The following CCDC7 variants were observed in gnomAD, a reference collection of about 807,000 sequenced individuals.
The protein encoded by CCDC7 is coiled-coil domain-containing protein 7.
Under a neutral mutation model 196.9 loss-of-function variants are expected in CCDC7, and 183 were observed. The observed-to-expected ratio is 0.93, with a 90% CI of 0.82 to 1.05. The LOEUF (loss-of-function observed/expected upper bound fraction) is 1.05. Among genes scored for constraint, CCDC7 ranks in the 50% least tolerant of loss-of-function variants. The pLI is 0.00. For synonymous variants in CCDC7, 525 were observed against 484.6 expected (o/e 1.08, Z -1.10); for missense variants, 1,540 against 1,482.2 (o/e 1.04, Z -0.64).
intron 11 of CCDC7, among the ~76,000 whole-genome samples, chr10:32,524,406 G>C (rs936554421): frequency 6.6e-6 from 1 of 152,122 alleles, no homozygotes; most frequent in Non-Finnish European, 1.5e-5. Flanking sequence ...GTCAAGAGTA[G>C]TTTACACACC....
At chr10:32,752,814 C>T (rs896806449) in intron 28 of CCDC7, among the ~76,000 whole-genome samples, 1 of 152,142 alleles carries the variant, frequency 6.6e-6, no homozygotes, top group African/African-American at 2.4e-5. Flanking sequence ...TTAGCACCTT[C>T]TCACTTACCT....
At chr10:32,603,965 T>G (rs1041266820) in intron 18 of CCDC7, among the ~76,000 whole-genome samples, 5 of 152,170 alleles carry the variant, frequency 3.3e-5, no homozygotes, top group Non-Finnish European at 7.4e-5. Context: ...TAGTTCCATT[T>G]GTCTATTTTT....
At chr10:32,764,042 T>C (rs61530088) in intron 28 of CCDC7, among the ~76,000 whole-genome samples, 8,070 of 151,998 alleles carry the variant, frequency 0.053, 720 homozygotes, top group African/African-American at 0.18. Context: ...TGTATACATA[T>C]ATCAAAACAC....
At chr10:32,711,914 G>T (rs1476769863) in intron 25 of CCDC7, among the ~76,000 whole-genome samples, 184 bp downstream of exon 26, 2 of 151,258 alleles carry the variant, frequency 1.3e-5, no homozygotes, top group Non-Finnish European at 1.5e-5. Context: ...AGAATTTCTT[G>T]TCGTAATATT....
intron 28 of CCDC7, among the ~76,000 whole-genome samples, chr10:32,764,214 A>T (rs1198325478): frequency 7.1e-6 from 1 of 140,798 alleles, no homozygotes; most frequent in Non-Finnish European, 1.5e-5. Flanking sequence ...CACCCCCACC[A>T]CCCTCTTTTG....
intron 22 of CCDC7, among the ~76,000 whole-genome samples, chr10:32,882,278 A>G (rs574916414): frequency 6.6e-6 from 1 of 152,252 alleles, no homozygotes; most frequent in East Asian, 1.9e-4. Flanking sequence ...CGGCCTAACA[A>G]GATTCTTCTT....
chr10:32,745,862 T>G (rs1033538806), intron 28 of CCDC7, among the ~76,000 whole-genome samples: 2 of 152,220 alleles, frequency 1.3e-5, no homozygotes, highest in Admixed American at 1.3e-4. Context: ...TCTCTCCATT[T>G]ATTTAGTTCT....
chr10:32,798,083 G>T (rs540755776), intron 29 of CCDC7, among the ~76,000 whole-genome samples: 1 of 152,326 alleles, frequency 6.6e-6, no homozygotes, highest in Non-Finnish European at 1.5e-5. Flanking sequence ...CATTCCATGA[G>T]TCCATGGATA....
intron 20 of CCDC7, among the ~76,000 whole-genome samples, chr10:32,647,638 G>T (rs1197529234): frequency 6.6e-6 from 1 of 151,818 alleles, no homozygotes; most frequent in Admixed American, 6.6e-5. Context: ...GTCTTTTTTT[G>T]ATAAGTGTCT....
At chr10:32,731,065 G>A (rs184326398) in intron 28 of CCDC7, among the ~76,000 whole-genome samples, 1 of 151,940 alleles carries the variant, frequency 6.6e-6, no homozygotes, top group East Asian at 1.9e-4. Context: ...CCACTATGTG[G>A]ATTTACCTAT....
At chr10:32,641,724 T>C (rs1371450879) in intron 20 of CCDC7, among the ~76,000 whole-genome samples, 2 of 152,332 alleles carry the variant, frequency 1.3e-5, no homozygotes, top group South Asian at 2.1e-4. Context: ...GGAGGAGTGG[T>C]GCTCTGATTT....
chr10:32,595,070 A>G (rs1181500828), intron 18 of CCDC7, among the ~76,000 whole-genome samples: 1 of 152,156 alleles, frequency 6.6e-6, no homozygotes, highest in Non-Finnish European at 1.5e-5. Flanking sequence ...TCATAAAATG[A>G]ATTAGGGAGG....
At chr10:32,463,661 C>T (rs1017886109) in intron 5 of CCDC7, among the ~76,000 whole-genome samples, 13 of 152,114 alleles carry the variant, frequency 8.5e-5, no homozygotes, top group African/African-American at 3.1e-4. Context: ...ACTTATGGTT[C>T]AGTCCAATTA....
intron 38 of CCDC7, among the ~76,000 whole-genome samples, chr10:32,848,394 G>T (rs561840582): frequency 6.6e-6 from 1 of 152,196 alleles, no homozygotes; most frequent in South Asian, 2.1e-4. Flanking sequence ...GGAAGATACT[G>T]TCACAGAATG....
At chr10:32,578,167 A>G (rs2058405097) in intron 16 of CCDC7, among the ~76,000 whole-genome samples, 1 of 152,150 alleles carries the variant, frequency 6.6e-6, no homozygotes. Context: ...GCATTGATAT[A>G]GTGCTTTGAA....
chr10:32,554,772 C>T (rs2054080662), intron 13 of CCDC7, among the ~76,000 whole-genome samples: 1 of 151,862 alleles, frequency 6.6e-6, no homozygotes, highest in Non-Finnish European at 1.5e-5. Flanking sequence ...CTGTAGTTGC[C>T]CTGTTGTGCT....
In CCDC7 at chr10:32,712,066, C is replaced by T. The variant is rs770241924; in HGVS notation, c.2569+336C>T. Among the ~76,000 whole-genome samples the T allele has an allele frequency of 2.6e-5, 4 of 152,184 alleles. 1 individual carries two copies. The highest frequency in any genetic ancestry group is 2.6e-4 in the Admixed American group (4 of 15,294). On this transcript the variant is annotated intron_variant, in intron 25 of 41. Transcript: ENST00000639629. The stretch of plus-strand genomic sequence containing the variant: ...ATCTGTTGTAGTCCCAGTCAGTAGG[C>T]AGAAGTATTGCCGAGATCTGTAACT...
intron 33 of CCDC7, among the ~76,000 whole-genome samples, chr10:32,836,996 T>C (rs1468231156): frequency 6.6e-6 from 1 of 152,088 alleles, no homozygotes; most frequent in African/African-American, 2.4e-5. Flanking sequence ...GGCAATACCA[T>C]TCAGGACATA....
At chr10:32,726,080 G>C (rs952832457) in intron 25 of CCDC7, among the ~76,000 whole-genome samples, 1 of 151,546 alleles carries the variant, frequency 6.6e-6, no homozygotes, top group South Asian at 2.1e-4. Context: ...TATTTTACCT[G>C]TGTCTCATTT....
Sources: gnomAD v4.1 joint callset for allele counts (sites outside exome capture counted in the v4.1 genomes callset) on GRCh38, gnomAD v4.1.1 for gene constraint, MANE v1.5 for transcripts, NCBI Gene and HGNC (gene_info 2026-07-23, HGNC 2026-07-21) for gene names.